Variants in TINAG observed in about 807,000 individuals in gnomAD.
TINAG encodes tubulointerstitial nephritis antigen.
A neutral mutation model predicts 72.7 loss-of-function variants in TINAG; 83 were observed. The ratio of observed to expected loss-of-function variants is 1.14; its 90% CI spans 0.96 to 1.37. TINAG has a LOEUF of 1.37. TINAG is among the 40% of genes most tolerant of loss of function. TINAG has a pLI of 0.00. For missense variants in TINAG, 685 were observed against 576.6 expected, an observed-to-expected ratio of 1.19 and a Z score of -1.93; for synonymous variants, 234 against 189.9, an observed-to-expected ratio of 1.23 and a Z score of -1.91.
At chr6:54,322,333 C>A (rs1206392015) in intron 3 of TINAG, among the ~76,000 whole-genome samples, 14 of 146,880 alleles carry the variant, frequency 9.5e-5, no homozygotes, top group Admixed American at 2.7e-4. Flanking sequence ...AACAAACAAA[C>A]AAAAAAAAAA....
rs149378140 is a variant in TINAG at position 54,378,107 on chromosome 6, T to C, written c.1251-2419T>C. ...AATCCTGTGATGAATGGACTTTGCT[T>C]GTCATTTGACACAGAGGCTGTAACA... On this transcript the variant is annotated intron_variant, in intron 9 of 10. Coordinates refer to ENST00000259782, the MANE Select transcript of TINAG (RefSeq NM_014464.4). 9.9e-4 allele frequency among the ~76,000 whole-genome samples: 151 copies of C among 152,328 alleles called. 1 individual carries two copies. The highest frequency in any genetic ancestry group is 3.5e-3 in the African/African-American group (147 of 41,592).
At chr6:54,340,892 A>G (rs1784981504) in intron 4 of TINAG, among the ~76,000 whole-genome samples, 1 of 152,150 alleles carries the variant, frequency 6.6e-6, no homozygotes, top group African/African-American at 2.4e-5. Context: ...TAAAGTGCCT[A>G]TGGAGGAAAA....
At chr6:54,351,436 C>T (rs1332853478) in intron 8 of TINAG, 39 bp downstream of exon 8, 7 of 1,580,528 alleles carry the variant, frequency 4.4e-6, no homozygotes, top group Non-Finnish European at 6.1e-6. Context: ...TTACTCATTC[C>T]TTTAATAAAC....
At chr6:54,371,176 G>C (rs1359575423) in intron 9 of TINAG, among the ~76,000 whole-genome samples, 1 of 151,862 alleles carries the variant, frequency 6.6e-6, no homozygotes, top group Non-Finnish European at 1.5e-5. Context: ...TTGAGGTCAA[G>C]TGTAGGACTA....
chr6:54,339,186 C>T (rs1437588229), intron 4 of TINAG, among the ~76,000 whole-genome samples: 1 of 152,068 alleles, frequency 6.6e-6, no homozygotes, highest in African/African-American at 2.4e-5. Context: ...TTAGGCTCAG[C>T]TGAAAGTGAC....
intron 4 of TINAG, among the ~76,000 whole-genome samples, chr6:54,338,174 A>G (rs1784911459): frequency 6.6e-6 from 1 of 152,222 alleles, no homozygotes; most frequent in African/African-American, 2.4e-5. Context: ...GTATTTCTGC[A>G]CTAGTCACAG....
At chr6:54,347,661 T>A in intron 6 of TINAG, 144 bp downstream of exon 6, 1 of 859,112 alleles carries the variant, frequency 1.2e-6, no homozygotes, top group Non-Finnish European at 1.7e-6. Flanking sequence ...ATGCTACATT[T>A]AAATGTATAC....
intron 9 of TINAG, among the ~76,000 whole-genome samples, chr6:54,371,999 T>TTG (rs1396125898): frequency 2.8e-5 from 4 of 143,078 alleles, no homozygotes; most frequent in Non-Finnish European, 6.1e-5. Context: ...TTTTTTTTTT[T>TTG]TTTTTTTTTG....
chr6:54,384,818 A>C (rs1223510372), intron 10 of TINAG, among the ~76,000 whole-genome samples: 1 of 152,224 alleles, frequency 6.6e-6, no homozygotes, highest in Non-Finnish European at 1.5e-5. Context: ...AGATTGAAAA[A>C]AACTATTAGC....
chr6:54,364,602 T>G (rs1763349000), intron 9 of TINAG, among the ~76,000 whole-genome samples: 1 of 151,412 alleles, frequency 6.6e-6, no homozygotes, highest in Non-Finnish European at 1.5e-5. Flanking sequence ...TTGTTAGATT[T>G]TTAAAACCAT....
At chr6:54,314,524 T>C (rs774169189) in intron 1 of TINAG, among the ~76,000 whole-genome samples, 17 of 152,066 alleles carry the variant, frequency 1.1e-4, no homozygotes, top group Non-Finnish European at 2.1e-4. Context: ...TGTCTAGCTA[T>C]GAATGGGGTT....
chr6:54,335,055 C>T (rs892167865), intron 4 of TINAG, among the ~76,000 whole-genome samples: 2 of 152,042 alleles, frequency 1.3e-5, no homozygotes, highest in African/African-American at 4.8e-5. Flanking sequence ...TTTGCTCTTT[C>T]ACTTGCTTTT....
At chr6:54,327,252 C>A in intron 4 of TINAG, 1 of 1,407,040 alleles carries the variant, frequency 7.1e-7, no homozygotes, top group South Asian at 1.3e-5. Flanking sequence ...CTGAGGTACA[C>A]GGTTCATCTC....
At chr6:54,351,443 AAAC>A (rs754515558) in intron 8 of TINAG, 46 bp downstream of exon 8, 5 of 1,562,120 alleles carry the variant, frequency 3.2e-6, no homozygotes, top group Admixed American at 1.7e-5. Context: ...TTCCTTTAAT[AAAC>A]AACATTACAT....
At chr6:54,309,374 A>G in intron 1 of TINAG, among the ~76,000 whole-genome samples, 1 of 152,166 alleles carries the variant, frequency 6.6e-6, no homozygotes. Flanking sequence ...TGGTATTAGT[A>G]ATGCTATTAA....
At chr6:54,357,972 C>T (rs1763109129) in intron 9 of TINAG, among the ~76,000 whole-genome samples, 1 of 151,852 alleles carries the variant, frequency 6.6e-6, no homozygotes, top group East Asian at 1.9e-4. Context: ...CTCCTTCTCG[C>T]CGACTCCCAC....
chr6:54,345,935 G>A (rs1165056625), intron 5 of TINAG, among the ~76,000 whole-genome samples: 1 of 151,450 alleles, frequency 6.6e-6, no homozygotes, highest in Non-Finnish European at 1.5e-5. Context: ...CAATTTTGAT[G>A]AGAAAAAAAA....
chr6:54,346,114 C>A (rs551654901), intron 5 of TINAG, among the ~76,000 whole-genome samples: 2 of 152,066 alleles, frequency 1.3e-5, no homozygotes, highest in East Asian at 3.9e-4. Flanking sequence ...TAAAATGGTA[C>A]CCACCCCAAT....
At chr6:54,358,274 C>T (rs1763117507) in intron 9 of TINAG, among the ~76,000 whole-genome samples, 4 of 151,912 alleles carry the variant, frequency 2.6e-5, no homozygotes, top group Admixed American at 2.6e-4. Context: ...ACAATTATCA[C>T]TTTTTAACAC....
Sources: allele counts gnomAD v4.1 joint callset (sites outside exome capture counted in the v4.1 genomes callset), GRCh38; gene constraint gnomAD v4.1.1; transcripts MANE v1.5; gene names NCBI Gene and HGNC (gene_info 2026-07-23, HGNC 2026-07-21).